Variants in SPTBN1 observed in about 807,000 individuals in gnomAD.
SPTBN1 encodes spectrin beta, non-erythrocytic 1.
In SPTBN1, 32 loss-of-function variants were observed where a neutral mutation model predicts 266.4. That is an observed-to-expected ratio of 0.12 (90% CI 0.09 to 0.16). The LOEUF (loss-of-function observed/expected upper bound fraction) is 0.16. Ranked by LOEUF, SPTBN1 falls within the 10% of genes least tolerant of loss-of-function variation. The probability of loss-of-function intolerance (pLI) is 1.00; values close to 1 mark genes in which losing one functional copy is unlikely to be tolerated. For synonymous variants in SPTBN1, 1,336 were observed against 1,162.2 expected (o/e 1.15, Z -3.04); for missense variants, 2,296 against 3,067.1 (o/e 0.75, Z 5.94).
intron 30 of SPTBN1, 49 bp downstream of exon 30, chr2:54,658,095 T>G: frequency 1.2e-6 from 2 of 1,606,096 alleles, no homozygotes; most frequent in Non-Finnish European, 1.7e-6. Context: ...GGCAGCCTTT[T>G]CTTCCTGCTT....
intron 1 of SPTBN1, among the ~76,000 whole-genome samples, chr2:54,522,695 G>GAGAGAGAGAGAGAGAA (rs1558802670): frequency 2.1e-5 from 3 of 145,196 alleles, no homozygotes; most frequent in East Asian, 4.1e-4. Flanking sequence ...GAGAGAGAGA[G>GAGAGAGAGAGAGAGAA]AGAGAAAGAA....
At position 54,670,950 on chromosome 2, in the gene SPTBN1, GGTTTTTT is replaced by G; in HGVS notation, c.*2389_*2395del. Reference sequence around the variant, plus strand: ...AGCCTGGCAGGGTAAATAGTTTTTGGGTTTTTTGTTTTTTTTTTATTCTTCCACTATC... The same window carrying G: ...AGCCTGGCAGGGTAAATAGTTTTTGGGTTTTTTTTTTATTCTTCCACTATC... On this transcript the variant is annotated 3_prime_UTR_variant, in exon 36 of 36. Coordinates refer to ENST00000356805, the MANE Select transcript of SPTBN1 (RefSeq NM_003128.3). 2.5e-6 allele frequency: 1 copy of G among 397,240 alleles called. No individual in the cohort carries two copies. Among genetic ancestry groups the G allele is most frequent in the African/African-American group, 2.1e-5 (1 of 48,644 alleles). 24.6% of individuals were successfully genotyped at this position (397,240 alleles called of 1,614,324 possible). A position where few individuals can be genotyped will look rare whatever the true frequency, so the allele number is the denominator to read the frequency against.
At chr2:54,467,251 T>TG (rs1021099455) in intron 1 of SPTBN1, among the ~76,000 whole-genome samples, 7 of 143,300 alleles carry the variant, frequency 4.9e-5, no homozygotes, top group Admixed American at 3.6e-4. Context: ...TTTTTGGGGG[T>TG]GGGGGGGCTT....
chr2:54,564,593 G>C (rs1673547745), intron 2 of SPTBN1, among the ~76,000 whole-genome samples: 1 of 152,210 alleles, frequency 6.6e-6, no homozygotes, highest in African/African-American at 2.4e-5. Context: ...CAGAAGTTGT[G>C]ATTCCTTAAA....
chr2:54,583,060 C>G (rs1176397837), intron 2 of SPTBN1, among the ~76,000 whole-genome samples: 1 of 152,076 alleles, frequency 6.6e-6, no homozygotes, highest in African/African-American at 2.4e-5. Context: ...CATCTAGGAC[C>G]ATGCTGGAGC....
At chr2:54,546,766 T>A (rs975233020) in intron 2 of SPTBN1, 3 of 152,160 alleles carry the variant, frequency 2.0e-5, no homozygotes, top group South Asian at 2.1e-4. Context: ...AATATCTTTT[T>A]TCCTAAGGGT....
intron 2 of SPTBN1, among the ~76,000 whole-genome samples, chr2:54,584,740 C>T (rs1675170331): frequency 6.6e-6 from 1 of 152,118 alleles, no homozygotes; most frequent in African/African-American, 2.4e-5. Flanking sequence ...CCCTGAAGAA[C>T]AAATCAGCAA....
chr2:54,662,465 A>G (rs1681110222), intron 32 of SPTBN1: 1 of 269,508 alleles, frequency 3.7e-6, no homozygotes, highest in Non-Finnish European at 5.7e-6. Flanking sequence ...TCTACCTTGC[A>G]GTCTGACCAA....
chr2:54,520,501 A>G (rs1670372609), intron 1 of SPTBN1: 1 of 152,174 alleles, frequency 6.6e-6, no homozygotes, highest in Non-Finnish European at 1.5e-5. Flanking sequence ...CTGCTTATTG[A>G]AGCAGAAAAT....
intron 12 of SPTBN1, among the ~76,000 whole-genome samples, chr2:54,627,772 C>T (rs1389395542): frequency 3.5e-5 from 5 of 144,656 alleles, no homozygotes; most frequent in African/African-American, 5.1e-5. Context: ...CGCCCACGCT[C>T]CCCACTGCCC....
At chr2:54,523,480 A>G (rs1670610845) in intron 1 of SPTBN1, among the ~76,000 whole-genome samples, 1 of 152,180 alleles carries the variant, frequency 6.6e-6, no homozygotes. Context: ...CTTGGATAGC[A>G]TGTGAGAAAA....
chr2:54,483,119 A>T (rs1312908781), intron 1 of SPTBN1, among the ~76,000 whole-genome samples: 2 of 152,184 alleles, frequency 1.3e-5, no homozygotes, highest in African/African-American at 4.8e-5. Context: ...AAGCCTGAGT[A>T]TTGGGGTTAA....
At chr2:54,545,064 A>T (rs943476795) in intron 2 of SPTBN1, among the ~76,000 whole-genome samples, 1 of 152,136 alleles carries the variant, frequency 6.6e-6, no homozygotes, top group Admixed American at 6.6e-5. Flanking sequence ...GCTTAGAATG[A>T]TGGTTTCCAG....
intron 1 of SPTBN1, among the ~76,000 whole-genome samples, chr2:54,478,087 C>T (rs989804630): frequency 6.6e-6 from 1 of 152,114 alleles, no homozygotes; most frequent in African/African-American, 2.4e-5. Flanking sequence ...AAACATTTTT[C>T]ACATGGTCTG....
intron 2 of SPTBN1, among the ~76,000 whole-genome samples, chr2:54,574,108 A>G (rs746996047): frequency 1.8e-4 from 27 of 152,194 alleles, no homozygotes; most frequent in Non-Finnish European, 2.8e-4. Flanking sequence ...TGAAGGAAAC[A>G]GACACCTTTC....
chr2:54,517,092 T>C (rs1210552352), intron 1 of SPTBN1, among the ~76,000 whole-genome samples: 2 of 148,854 alleles, frequency 1.3e-5, no homozygotes, highest in Non-Finnish European at 2.9e-5. Flanking sequence ...GTATTTCTTA[T>C]CCCACTTAAG....
chr2:54,661,735 CAT>C, intron 32 of SPTBN1: 3 of 985,392 alleles, frequency 3.0e-6, no homozygotes, highest in Non-Finnish European at 3.6e-6. Context: ...GTGATGTTTT[CAT>C]ATATATATGT....
At chr2:54,595,231 A>G (rs182523476) in intron 2 of SPTBN1, among the ~76,000 whole-genome samples, 7 of 152,348 alleles carry the variant, frequency 4.6e-5, no homozygotes, top group East Asian at 3.9e-4. Context: ...TTTGATGTGC[A>G]CTTTACCTCC....
intron 2 of SPTBN1, among the ~76,000 whole-genome samples, chr2:54,577,557 C>G (rs997489780): frequency 6.6e-6 from 1 of 152,180 alleles, no homozygotes; most frequent in Non-Finnish European, 1.5e-5. Context: ...GTAATAGCCA[C>G]CAAAACTTCT....
Sources: allele counts gnomAD v4.1 joint callset (sites outside exome capture counted in the v4.1 genomes callset), GRCh38; gene constraint gnomAD v4.1.1; transcripts MANE v1.5; gene names NCBI Gene and HGNC (gene_info 2026-07-23, HGNC 2026-07-21).